The following GPC5 variants were observed in gnomAD, a reference collection of about 807,000 sequenced individuals.
GPC5 encodes glypican 5, also known as glypican-5.
In GPC5, 47 loss-of-function variants were observed where a neutral mutation model predicts 53.9. The ratio of observed to expected loss-of-function variants is 0.87; its 90% CI spans 0.69 to 1.11. The LOEUF (loss-of-function observed/expected upper bound fraction) is 1.11, where lower values mean the gene tolerates loss of function less well. Ranked by LOEUF, GPC5 falls within the 50% of genes most tolerant of loss-of-function variation. The pLI is 0.00. For missense variants in GPC5, 748 were observed against 713.1 expected (o/e 1.05, Z -0.56); for synonymous variants, 286 against 263.3 (o/e 1.09, Z -0.84).
intron 6 of GPC5, among the ~76,000 whole-genome samples, chr13:92,029,439 T>A (rs1464534181): frequency 6.6e-6 from 1 of 152,154 alleles, no homozygotes; most frequent in Non-Finnish European, 1.5e-5. Flanking sequence ...ATCTGCAAGT[T>A]TCATAATCAA....
At chr13:91,604,447 T>C (rs532905825) in intron 2 of GPC5, among the ~76,000 whole-genome samples, 5 of 151,912 alleles carry the variant, frequency 3.3e-5, no homozygotes, top group Admixed American at 3.3e-4. Flanking sequence ...GCATGATTTA[T>C]AGTCCTTTGG....
chr13:92,418,578 G>A (rs986105629), intron 7 of GPC5, among the ~76,000 whole-genome samples: 6 of 152,160 alleles, frequency 3.9e-5, no homozygotes, highest in African/African-American at 1.4e-4. Flanking sequence ...ATACTATTAG[G>A]TAAAATTACA....
intron 7 of GPC5, among the ~76,000 whole-genome samples, chr13:92,362,258 C>A (rs1337718145): frequency 1.3e-5 from 2 of 151,636 alleles, no homozygotes; most frequent in East Asian, 3.9e-4. Context: ...AGAATTGCTT[C>A]TTTTCAAACT....
At chr13:91,573,171 G>T (rs1445319705) in intron 2 of GPC5, among the ~76,000 whole-genome samples, 2 of 152,312 alleles carry the variant, frequency 1.3e-5, no homozygotes, top group South Asian at 4.1e-4. Flanking sequence ...AGCACAACTT[G>T]GTTCCTCGTT....
intron 5 of GPC5, among the ~76,000 whole-genome samples, chr13:91,772,989 T>G (rs1373931040): frequency 6.6e-6 from 1 of 152,156 alleles, no homozygotes; most frequent in Non-Finnish European, 1.5e-5. Context: ...GCAAGGAAGT[T>G]TGGATTTCAT....
At chr13:91,643,474 A>G (rs1022944795) in intron 2 of GPC5, among the ~76,000 whole-genome samples, 21 of 152,348 alleles carry the variant, frequency 1.4e-4, no homozygotes, top group South Asian at 8.3e-4. Flanking sequence ...GTATGACAAA[A>G]GGAATGTGAA....
intron 7 of GPC5, among the ~76,000 whole-genome samples, chr13:92,668,090 T>G (rs796917223): frequency 2.0e-5 from 3 of 152,336 alleles, no homozygotes; most frequent in African/African-American, 7.2e-5. Flanking sequence ...TACATATGTG[T>G]GAATGTATGT....
intron 2 of GPC5, among the ~76,000 whole-genome samples, chr13:91,456,277 T>C (rs886520897): frequency 3.3e-5 from 5 of 152,126 alleles, no homozygotes; most frequent in African/African-American, 4.8e-5. Flanking sequence ...GTATAAGGTA[T>C]AGACAAAGTG....
intron 5 of GPC5, among the ~76,000 whole-genome samples, chr13:91,874,692 A>G (rs913148038): frequency 2.0e-5 from 3 of 152,206 alleles, no homozygotes; most frequent in Non-Finnish European, 4.4e-5. Context: ...TAAGGCAACC[A>G]AACTACCTCT....
intron 7 of GPC5, among the ~76,000 whole-genome samples, chr13:92,166,840 G>T (rs779878077): frequency 6.6e-6 from 1 of 151,914 alleles, no homozygotes; most frequent in East Asian, 1.9e-4. Flanking sequence ...TGATCTTAGT[G>T]TATCACATTA....
At chr13:92,798,564 A>G (rs148167035) in intron 7 of GPC5, among the ~76,000 whole-genome samples, 5 of 152,028 alleles carry the variant, frequency 3.3e-5, no homozygotes, top group African/African-American at 9.6e-5. Flanking sequence ...CTCAGGATAT[A>G]AAATTTCAAG....
chr13:92,100,370 C>G (rs553252432), intron 6 of GPC5, among the ~76,000 whole-genome samples: 1 of 152,180 alleles, frequency 6.6e-6, no homozygotes, highest in East Asian at 1.9e-4. Context: ...GCACTGCACT[C>G]CAGCCTGAGC....
At chr13:92,747,055 G>A (rs890594466) in intron 7 of GPC5, among the ~76,000 whole-genome samples, 2 of 152,096 alleles carry the variant, frequency 1.3e-5, no homozygotes, top group Non-Finnish European at 2.9e-5. Flanking sequence ...CATGGAAAAG[G>A]TACAGTAAAG....
At chr13:92,684,245 T>C (rs754320834) in intron 7 of GPC5, among the ~76,000 whole-genome samples, 1 of 152,028 alleles carries the variant, frequency 6.6e-6, no homozygotes, top group Non-Finnish European at 1.5e-5. Flanking sequence ...TTTTTATGGC[T>C]TTCTTTCTCT....
chr13:91,973,667 G>C (rs1246091514), intron 6 of GPC5, among the ~76,000 whole-genome samples: 1 of 152,162 alleles, frequency 6.6e-6, no homozygotes, highest in Non-Finnish European at 1.5e-5. Flanking sequence ...CTTTCTGTTT[G>C]TTAGTTTTCC....
chr13:92,066,796 T>A (rs2041171148), intron 6 of GPC5, among the ~76,000 whole-genome samples: 1 of 152,088 alleles, frequency 6.6e-6, no homozygotes, highest in East Asian at 1.9e-4. Context: ...ATACCAGCCT[T>A]ATTTAATATA....
At chr13:92,456,481 A>G (rs1878272253) in intron 7 of GPC5, among the ~76,000 whole-genome samples, 1 of 152,078 alleles carries the variant, frequency 6.6e-6, no homozygotes, top group South Asian at 2.1e-4. Context: ...ATCCTCCATA[A>G]TATCTCTAGC....
chr13:91,562,621 T>TTTG (rs1182997848), intron 2 of GPC5, among the ~76,000 whole-genome samples: 1 of 127,374 alleles, frequency 7.9e-6, no homozygotes, highest in Middle Eastern at 4.1e-3. Flanking sequence ...GCCTGGCTAT[T>TTTG]TTTTTTTTTT....
At chr13:91,458,874 C>T (rs1881734744) in intron 2 of GPC5, among the ~76,000 whole-genome samples, 1 of 152,036 alleles carries the variant, frequency 6.6e-6, no homozygotes, top group African/African-American at 2.4e-5. Context: ...GAATATGACT[C>T]ATCTATAAAA....
Sources: gnomAD v4.1 joint callset for allele counts (sites outside exome capture counted in the v4.1 genomes callset) on GRCh38, gnomAD v4.1.1 for gene constraint, MANE v1.5 for transcripts, NCBI Gene and HGNC (gene_info 2026-07-23, HGNC 2026-07-21) for gene names.